Variants in MICAL3 observed in about 807,000 individuals in gnomAD.
The protein encoded by MICAL3 is [F-actin]-monooxygenase MICAL3.
Under a neutral mutation model 207.4 loss-of-function variants are expected in MICAL3, and 62 were observed. That is an observed-to-expected ratio of 0.30 (90% confidence interval 0.24 to 0.37). The LOEUF (loss-of-function observed/expected upper bound fraction) is 0.37, where lower values mean the gene tolerates loss of function less well. Among genes scored for constraint, MICAL3 ranks in the 10% least tolerant of loss-of-function variants. The pLI is 1.00. For missense variants in MICAL3, 2,368 were observed against 2,635.6 expected, an observed-to-expected ratio of 0.90 and a Z score of 2.22; for synonymous variants, 1,077 against 1,069.3, an observed-to-expected ratio of 1.01 and a Z score of -0.14.
intron 1 of MICAL3, among the ~76,000 whole-genome samples, chr22:17,990,217 G>A (rs1414944234): frequency 1.3e-5 from 2 of 152,148 alleles, no homozygotes; most frequent in South Asian, 2.1e-4. Context: ...GGGAGCAAGC[G>A]GGATGAGGAG....
At chr22:18,017,175 C>T (rs1236513826) in intron 1 of MICAL3, among the ~76,000 whole-genome samples, 1 of 151,996 alleles carries the variant, frequency 6.6e-6, no homozygotes, top group Non-Finnish European at 1.5e-5. Flanking sequence ...CATGCCCATT[C>T]TCCTTTTTTG....
intron 1 of MICAL3, among the ~76,000 whole-genome samples, chr22:17,971,525 C>T (rs1281212845): frequency 2.0e-5 from 3 of 151,258 alleles, no homozygotes. Context: ...GCATTGACTG[C>T]ATTCATCTAG....
intron 1 of MICAL3, among the ~76,000 whole-genome samples, chr22:18,022,034 T>C (rs1288199024): frequency 6.6e-6 from 1 of 152,120 alleles, no homozygotes; most frequent in African/African-American, 2.4e-5. Flanking sequence ...CATTTTCTAG[T>C]TTATGTAAAA....
At chr22:17,979,840 A>G (rs1474949249) in intron 1 of MICAL3, among the ~76,000 whole-genome samples, 2 of 151,454 alleles carry the variant, frequency 1.3e-5, no homozygotes, top group Non-Finnish European at 2.9e-5. Flanking sequence ...TTGGTTTTTT[A>G]TAATTTTTGA....
intron 27 of MICAL3, 116 bp from the exon 28 acceptor site, chr22:17,810,929 G>A (rs535790173): frequency 6.0e-5 from 45 of 754,326 alleles, no homozygotes; most frequent in Middle Eastern, 2.9e-4. Flanking sequence ...GCTGGTACCC[G>A]GGCAGATAGG....
chr22:17,879,586 T>C (rs1467853314), intron 16 of MICAL3, among the ~76,000 whole-genome samples: 3 of 152,276 alleles, frequency 2.0e-5, no homozygotes, highest in South Asian at 2.1e-4. Flanking sequence ...AGGCCGACTT[T>C]CTGCACAGCC....
At chr22:17,853,285 G>A (rs565185951) in intron 19 of MICAL3, among the ~76,000 whole-genome samples, 2 of 152,234 alleles carry the variant, frequency 1.3e-5, no homozygotes, top group Admixed American at 1.3e-4. Flanking sequence ...GGCACGCAAC[G>A]AAGGTCCACT....
chr22:17,924,820 C>A (rs1932878610), intron 1 of MICAL3, among the ~76,000 whole-genome samples: 1 of 152,192 alleles, frequency 6.6e-6, no homozygotes. Context: ...AACATTGCTG[C>A]AGGATGACAT....
chr22:17,938,561 G>A (rs1400483310), intron 1 of MICAL3, among the ~76,000 whole-genome samples: 1 of 152,150 alleles, frequency 6.6e-6, no homozygotes, highest in Non-Finnish European at 1.5e-5. Context: ...GCTTAAACTT[G>A]GCAGACCACT....
chr22:17,852,487 A>G (rs1459664045), intron 19 of MICAL3, among the ~76,000 whole-genome samples: 4 of 152,210 alleles, frequency 2.6e-5, no homozygotes, highest in African/African-American at 9.6e-5. Context: ...CACTAAGAAC[A>G]AAGGCTGATG....
chr22:17,848,355 C>A (rs1305450031), intron 19 of MICAL3, among the ~76,000 whole-genome samples: 1 of 152,224 alleles, frequency 6.6e-6, no homozygotes, highest in Non-Finnish European at 1.5e-5. Context: ...CACACGTCCT[C>A]ACATACTGGG....
At chr22:17,827,344 C>T (rs5992871) in intron 22 of MICAL3, among the ~76,000 whole-genome samples, 51,245 of 152,042 alleles carry the variant, frequency 0.34, 9,092 homozygotes, top group Non-Finnish European at 0.39. Context: ...GAAAGAGCAG[C>T]GGTGACCAGA....
intron 17 of MICAL3, among the ~76,000 whole-genome samples, chr22:17,868,171 T>C (rs1263449904): frequency 6.6e-6 from 1 of 152,182 alleles, no homozygotes; most frequent in Non-Finnish European, 1.5e-5. Context: ...AACTCATCTG[T>C]CTTTTGGAAA....
At chr22:17,985,818 C>G (rs2146449840) in intron 1 of MICAL3, among the ~76,000 whole-genome samples, 1 of 152,244 alleles carries the variant, frequency 6.6e-6, no homozygotes, top group East Asian at 1.9e-4. Context: ...ACCCACCCAC[C>G]TTCTCTCAGG....
chr22:17,876,004 G>A (rs1210930905), intron 16 of MICAL3, among the ~76,000 whole-genome samples: 2 of 152,198 alleles, frequency 1.3e-5, no homozygotes, highest in African/African-American at 4.8e-5. Context: ...AGCAGGCAGC[G>A]GAGACAGCAA....
chr22:17,938,559 T>G (rs543284775), intron 1 of MICAL3, among the ~76,000 whole-genome samples: 1 of 152,290 alleles, frequency 6.6e-6, no homozygotes, highest in African/African-American at 2.4e-5. Context: ...GAGCTTAAAC[T>G]TGGCAGACCA....
intron 16 of MICAL3, among the ~76,000 whole-genome samples, chr22:17,885,276 G>C (rs1423803715): frequency 1.3e-5 from 2 of 152,176 alleles, no homozygotes; most frequent in East Asian, 1.9e-4. Context: ...CTTATCCAAA[G>C]ATGAGAAACA....
chr22:17,842,739 C>A (rs975464400), intron 19 of MICAL3, among the ~76,000 whole-genome samples: 2 of 152,224 alleles, frequency 1.3e-5, no homozygotes, highest in Non-Finnish European at 2.9e-5. Context: ...GCCCTGCCTG[C>A]GTCCTTTCAC....
At chr22:17,993,518 G>T (rs930100807) in intron 1 of MICAL3, among the ~76,000 whole-genome samples, 1 of 152,104 alleles carries the variant, frequency 6.6e-6, no homozygotes, top group Non-Finnish European at 1.5e-5. Flanking sequence ...CACAACTTGG[G>T]AATCAGAAGG....
Sources: gnomAD v4.1 joint callset for allele counts (sites outside exome capture counted in the v4.1 genomes callset) on GRCh38, gnomAD v4.1.1 for gene constraint, MANE v1.5 for transcripts, NCBI Gene and HGNC (gene_info 2026-07-23, HGNC 2026-07-21) for gene names.